ATG7: variants seen among roughly 807,000 people sequenced by gnomAD.
ATG7 encodes the protein autophagy related 7, also known as ubiquitin-like modifier-activating enzyme ATG7.
Under a neutral mutation model 82.4 loss-of-function variants are expected in ATG7, and 70 were observed. The observed-to-expected ratio is 0.85, with a 90% CI of 0.70 to 1.04. The LOEUF is 1.04. Among genes scored for constraint, ATG7 ranks in the 50% least tolerant of loss-of-function variants. The probability of loss-of-function intolerance (pLI) is 0.00; values close to 1 mark genes in which losing one functional copy is unlikely to be tolerated. For synonymous variants in ATG7, 287 were observed against 313.0 expected (o/e 0.92, Z 0.88); for missense variants, 792 against 864.3 (o/e 0.92, Z 1.05).
chr3:11,337,550 G>C (rs1952739038), intron 11 of ATG7, among the ~76,000 whole-genome samples: 1 of 151,624 alleles, frequency 6.6e-6, no homozygotes, highest in Admixed American at 6.6e-5. Context: ...TATGGATGCA[G>C]GTATGGTAAA....
chr3:11,332,481 A>G (rs1289141462), intron 10 of ATG7, among the ~76,000 whole-genome samples: 1 of 152,216 alleles, frequency 6.6e-6, no homozygotes, highest in Non-Finnish European at 1.5e-5. Context: ...ATGAAGATAG[A>G]TAAATTATAG....
intron 20 of ATG7, among the ~76,000 whole-genome samples, chr3:11,456,814 A>G (rs1414223138): frequency 1.3e-5 from 2 of 152,158 alleles, no homozygotes; most frequent in South Asian, 4.1e-4. Context: ...TTTCGCGTTC[A>G]CACTGTATGT....
chr3:11,536,215 G>A (rs1329624618), intron 20 of ATG7, among the ~76,000 whole-genome samples: 2 of 152,208 alleles, frequency 1.3e-5, no homozygotes, highest in Non-Finnish European at 1.5e-5. Flanking sequence ...TAGATTGAGA[G>A]GCTCATTAGG....
At chr3:11,359,396 G>GA (rs1056642712) in intron 15 of ATG7, among the ~76,000 whole-genome samples, 2 of 152,146 alleles carry the variant, frequency 1.3e-5, no homozygotes, top group African/African-American at 2.4e-5. Context: ...ATAGTATAAT[G>GA]AAAAAACGGT....
intron 5 of ATG7, among the ~76,000 whole-genome samples, chr3:11,306,491 C>T (rs1221611015): frequency 6.6e-6 from 1 of 152,192 alleles, no homozygotes; most frequent in Non-Finnish European, 1.5e-5. Flanking sequence ...GTGGCGTAGG[C>T]ACAGCACAGT....
chr3:11,456,171 C>T (rs1187480362), intron 20 of ATG7, among the ~76,000 whole-genome samples: 2 of 152,174 alleles, frequency 1.3e-5, no homozygotes, highest in South Asian at 2.1e-4. Flanking sequence ...TAACCCTGAG[C>T]GATGACTAAT....
rs2086220926 is a variant in ATG7 at position 11,460,681 on chromosome 3, A to G, written c.2079+33755A>G. Among the ~76,000 whole-genome samples the G allele has an allele frequency of 5.9e-5, 9 of 152,264 alleles. No homozygotes were observed. In the South Asian group the frequency reaches 1.9e-3, roughly 31 times the overall value. On this transcript the variant is annotated intron_variant, in intron 20 of 20. Transcript: ENST00000693202. ...CACACAATAGGAAGATTAATAAGTC[A>G]AAATCCCTGCCCCCTCCCAAATTTC...
At chr3:11,439,059 T>G (rs2083621154) in intron 20 of ATG7, among the ~76,000 whole-genome samples, 1 of 93,082 alleles carries the variant, frequency 1.1e-5, no homozygotes, top group African/African-American at 4.1e-5. Flanking sequence ...TCTTTTTCTT[T>G]TCTTTCTTTC....
intron 1 of ATG7, among the ~76,000 whole-genome samples, chr3:11,274,213 CATTT>C (rs1178696002): frequency 2.6e-5 from 4 of 152,168 alleles, no homozygotes; most frequent in Non-Finnish European, 5.9e-5. Context: ...AGAGAATAAA[CATTT>C]ATTGAGCTTC....
At chr3:11,417,800 A>ATTATTTTTTTTTTTTTTT (rs1553652380) in intron 19 of ATG7, among the ~76,000 whole-genome samples, 2 of 109,368 alleles carry the variant, frequency 1.8e-5, no homozygotes, top group Admixed American at 1.1e-4. Context: ...TATTATTATT[A>ATTATTTTTTTTTTTTTTT]TTTTATTTTA....
At chr3:11,454,512 C>T (rs2152989837) in intron 20 of ATG7, among the ~76,000 whole-genome samples, 1 of 152,302 alleles carries the variant, frequency 6.6e-6, no homozygotes. Context: ...TGGAAGAGAG[C>T]TGAGCCTGGC....
intron 19 of ATG7, among the ~76,000 whole-genome samples, chr3:11,418,270 A>T (rs1286194120): frequency 2.1e-5 from 3 of 141,428 alleles, no homozygotes; most frequent in Admixed American, 7.1e-5. Flanking sequence ...ATACCTGGCT[A>T]TTTTTTTTTT....
At chr3:11,355,635 G>C (rs1038202555) in intron 14 of ATG7, among the ~76,000 whole-genome samples, 3 of 152,056 alleles carry the variant, frequency 2.0e-5, no homozygotes, top group African/African-American at 7.2e-5. Context: ...TAGTCATCAG[G>C]GAAATACAAG....
chr3:11,310,410 C>G (rs971741770), intron 7 of ATG7, among the ~76,000 whole-genome samples: 5 of 152,082 alleles, frequency 3.3e-5, no homozygotes, highest in Non-Finnish European at 5.9e-5. Flanking sequence ...TCCTAGATTC[C>G]TAGATGCAGG....
chr3:11,478,129 A>G (rs2088476189), intron 20 of ATG7, among the ~76,000 whole-genome samples: 1 of 152,234 alleles, frequency 6.6e-6, no homozygotes, highest in Non-Finnish European at 1.5e-5. Flanking sequence ...TGTGACCGAC[A>G]GTCTTGTTAG....
At chr3:11,544,879 A>G (rs1032007162) in intron 20 of ATG7, among the ~76,000 whole-genome samples, 3 of 152,242 alleles carry the variant, frequency 2.0e-5, no homozygotes, top group Admixed American at 1.3e-4. Context: ...CAGACAGACC[A>G]GGCCCTACCC....
At chr3:11,341,229 T>C (rs1953554422) in intron 12 of ATG7, among the ~76,000 whole-genome samples, 1 of 151,506 alleles carries the variant, frequency 6.6e-6, no homozygotes, top group South Asian at 2.1e-4. Flanking sequence ...GCCCTGCTAA[T>C]TTTTTGTATT....
chr3:11,465,805 C>G (rs1003577468), intron 20 of ATG7, among the ~76,000 whole-genome samples: 13 of 151,834 alleles, frequency 8.6e-5, no homozygotes, highest in Non-Finnish European at 1.5e-5. Flanking sequence ...TCTTCCTTCC[C>G]TAATATATTT....
At position 11,333,027 on chromosome 3, in the gene ATG7, G is replaced by T; in HGVS notation, c.823G>T (p.Gly275Trp). Residue 275 changes from glycine to tryptophan, a missense_variant, in exon 11 of 21, where the codon GGG becomes TGG. Transcript: ENST00000693202. ...VVCFRDRTMQ[G>W]ARDVAHSIIF... ...TTGCTTCCGTGACCGTACCATGCAG[G>T]GGGCGAGAGACGTTGCCCACAGCAT... 1 of 1,576,042 alleles carries T rather than the reference G, an allele frequency of 6.3e-7. No homozygotes were observed. Among genetic ancestry groups the T allele is most frequent in the Non-Finnish European group, 8.6e-7 (1 of 1,160,296 alleles).
Sources: allele counts gnomAD v4.1 joint callset (sites outside exome capture counted in the v4.1 genomes callset), GRCh38; gene constraint gnomAD v4.1.1; transcripts MANE v1.5; gene names NCBI Gene and HGNC (gene_info 2026-07-23, HGNC 2026-07-21).